The following ZDHHC14 variants were observed in gnomAD, a reference collection of about 807,000 sequenced individuals.
ZDHHC14 encodes the protein palmitoyltransferase ZDHHC14.
A neutral mutation model predicts 47.7 loss-of-function variants in ZDHHC14; 16 were observed. That is an observed-to-expected ratio of 0.34 (90% CI 0.23 to 0.51). The LOEUF is 0.51. ZDHHC14 is among the 20% of genes least tolerant of loss of function. The pLI is 0.97. For missense variants in ZDHHC14, 515 were observed against 662.5 expected (o/e 0.78, Z 2.44); for synonymous variants, 293 against 278.9 (o/e 1.05, Z -0.50).
At chr6:157,387,557 C>T (rs961832732) in intron 1 of ZDHHC14, among the ~76,000 whole-genome samples, 9 of 152,200 alleles carry the variant, frequency 5.9e-5, no homozygotes, top group African/African-American at 2.2e-4. Flanking sequence ...ATACGTGACC[C>T]TCAGGACCTT....
At chr6:157,669,775 G>A (rs1340883997) in intron 8 of ZDHHC14, among the ~76,000 whole-genome samples, 2 of 152,238 alleles carry the variant, frequency 1.3e-5, no homozygotes, top group Non-Finnish European at 2.9e-5. Flanking sequence ...CAGCAAGGGC[G>A]CTGGCTTGCC....
chr6:157,610,744 T>C (rs1034061605), intron 3 of ZDHHC14, among the ~76,000 whole-genome samples: 1 of 152,200 alleles, frequency 6.6e-6, no homozygotes, highest in African/African-American at 2.4e-5. Context: ...TGCAGATTTG[T>C]TCATTTTCAA....
At chr6:157,648,621 ACCT>A (rs1290107681) in intron 7 of ZDHHC14, among the ~76,000 whole-genome samples, 6 of 152,122 alleles carry the variant, frequency 3.9e-5, no homozygotes, top group African/African-American at 7.2e-5. Context: ...GGCACCCCTG[ACCT>A]CCTCAGAGGC....
At chr6:157,466,941 G>A (rs1006219069) in intron 1 of ZDHHC14, among the ~76,000 whole-genome samples, 2 of 151,928 alleles carry the variant, frequency 1.3e-5, no homozygotes, top group Non-Finnish European at 2.9e-5. Flanking sequence ...TGGGAACTGC[G>A]CAGTAGCTGC....
intron 1 of ZDHHC14, among the ~76,000 whole-genome samples, chr6:157,508,376 T>G (rs879726289): frequency 6.6e-6 from 1 of 152,210 alleles, no homozygotes; most frequent in Non-Finnish European, 1.5e-5. Flanking sequence ...TGTGTTGTAT[T>G]TTTTTCTTGA....
chr6:157,665,533 G>C (rs1366758178), intron 8 of ZDHHC14, among the ~76,000 whole-genome samples: 3 of 152,186 alleles, frequency 2.0e-5, no homozygotes, highest in Non-Finnish European at 4.4e-5. Flanking sequence ...TTTAGGACCA[G>C]TATCCGGATA....
At chr6:157,635,978 C>G (rs1196018483) in intron 5 of ZDHHC14, among the ~76,000 whole-genome samples, 1 of 152,192 alleles carries the variant, frequency 6.6e-6, no homozygotes, top group East Asian at 1.9e-4. Context: ...GGTGCTGACT[C>G]TTTCCTCCCA....
In ZDHHC14 at chr6:157,643,364, A is replaced by G. The variant is rs143250311; in HGVS notation, c.753-2373A>G. On this transcript the variant is annotated intron_variant, in intron 5 of 8. Coordinates refer to ENST00000359775, the MANE Select transcript of ZDHHC14 (RefSeq NM_024630.3). ...AAAATGTGTCTAAAGCACATGAGAT[A>G]TTAATAGAAAAGCTGGCCGGGCATG... Among the ~76,000 whole-genome samples, 389 of 152,268 alleles carry G rather than the reference A, an allele frequency of 2.6e-3. 3 individuals carry two copies. The highest frequency in any genetic ancestry group is 8.9e-3 in the African/African-American group (368 of 41,572).
chr6:157,423,905 A>G lies in ZDHHC14; in HGVS notation c.245+41639A>G, dbSNP rs574284228. Among the ~76,000 whole-genome samples the G allele has an allele frequency of 3.9e-5, 6 of 152,274 alleles. No homozygotes were observed. The South Asian group carries it at 1.0e-3, about 26-fold the overall frequency. ...ACCCCCCAGGCGATTCGTGTGCAAT[A>G]TGAGGTTTCAGAGCACACTGGTTCA... On this transcript the variant is annotated intron_variant, in intron 1 of 8. Transcript: ENST00000359775.
intron 2 of ZDHHC14, among the ~76,000 whole-genome samples, chr6:157,572,166 G>A (rs1783123083): frequency 6.6e-6 from 1 of 152,068 alleles, no homozygotes; most frequent in Non-Finnish European, 1.5e-5. Flanking sequence ...ATCTGGGGCT[G>A]GAACGTTCTT....
At chr6:157,638,562 C>T (rs986387871) in intron 5 of ZDHHC14, among the ~76,000 whole-genome samples, 5 of 152,176 alleles carry the variant, frequency 3.3e-5, no homozygotes, top group Non-Finnish European at 7.3e-5. Context: ...AGGAGATCCA[C>T]TCAGCAACTA....
chr6:157,555,913 C>A (rs1401411164), intron 2 of ZDHHC14, among the ~76,000 whole-genome samples: 1 of 152,130 alleles, frequency 6.6e-6, no homozygotes, highest in Non-Finnish European at 1.5e-5. Context: ...TTTGTGAGGG[C>A]TGAAGGGACC....
rs143081283 is a variant in ZDHHC14 at position 157,653,556 on chromosome 6, G to A, written c.997G>A (p.Asp333Asn). 9.9e-6 allele frequency: 16 copies of A among 1,613,838 alleles called. No individual in the cohort carries two copies. Among genetic ancestry groups the A allele is most frequent in the African/African-American group, 1.3e-5 (1 of 75,018 alleles). The change falls in exon 8 of 9, where the codon GAC (aspartate) becomes AAC (asparagine). Residue 333 changes from aspartate (D) to asparagine (N), a missense_variant. Physicochemically the swap from Asp to Asn is conservative, Grantham distance 23. Coordinates refer to ENST00000359775, the MANE Select transcript of ZDHHC14 (RefSeq NM_024630.3). ...LIDRRGYIQPDTPQPAAPSNG... is the reference protein window; with the variant it reads ...LIDRRGYIQPNTPQPAAPSNG... ...CGACAGAAGAGGGTACATCCAGCCC[G>A]ACACGCCGCAGCCAGCAGCACCCTC... is the stretch of plus-strand genomic sequence containing the variant.
intron 7 of ZDHHC14, among the ~76,000 whole-genome samples, chr6:157,650,777 T>C (rs1416849843): frequency 6.6e-6 from 1 of 152,186 alleles, no homozygotes; most frequent in African/African-American, 2.4e-5. Flanking sequence ...CTGACCCTGG[T>C]TGGGAGGACT....
intron 1 of ZDHHC14, among the ~76,000 whole-genome samples, chr6:157,511,463 C>G (rs1780481176): frequency 6.6e-6 from 1 of 151,576 alleles, no homozygotes; most frequent in African/African-American, 2.4e-5. Flanking sequence ...TCACTACAAC[C>G]TCCGCCTCCC....
rs1157263650 is a variant in ZDHHC14, at chr6:157,676,368, T to A, written c.*3246T>A. On this transcript the variant is annotated 3_prime_UTR_variant, in exon 9 of 9. Transcript: ENST00000359775. ...AGCCAGCAAAATGCGAAATCTCTGT[T>A]CTGGCCCAGAATGGCACAAGGGAGG... The A allele has an allele frequency of 6.6e-6, 1 of 152,340 alleles. No individual in the cohort carries two copies. The highest frequency in any genetic ancestry group is 1.5e-5 in the Non-Finnish European group (1 of 68,100). 9.4% of individuals were successfully genotyped at this position (152,340 alleles called of 1,614,324 possible).
At chr6:157,608,534 T>G (rs905328663) in intron 3 of ZDHHC14, among the ~76,000 whole-genome samples, 1 of 152,126 alleles carries the variant, frequency 6.6e-6, no homozygotes, top group Admixed American at 6.5e-5. Flanking sequence ...AGCAAGAAGA[T>G]GCTGCTGTGC....
At chr6:157,495,582 G>A (rs996488232) in intron 1 of ZDHHC14, among the ~76,000 whole-genome samples, 6 of 152,152 alleles carry the variant, frequency 3.9e-5, no homozygotes, top group Non-Finnish European at 7.4e-5. Flanking sequence ...CCATGGGAGG[G>A]TACATGACAT....
intron 1 of ZDHHC14, among the ~76,000 whole-genome samples, chr6:157,421,424 C>T (rs1478764295): frequency 4.8e-5 from 6 of 126,154 alleles, no homozygotes; most frequent in African/African-American, 1.5e-4. Context: ...ACCCGGGAGG[C>T]GGAGCTTGCA....
Sources: gnomAD v4.1 joint callset for allele counts (sites outside exome capture counted in the v4.1 genomes callset) on GRCh38, gnomAD v4.1.1 for gene constraint, MANE v1.5 for transcripts, NCBI Gene and HGNC (gene_info 2026-07-23, HGNC 2026-07-21) for gene names.